ISOC1: variants seen among roughly 807,000 people sequenced by gnomAD.
ISOC1 encodes isochorismatase domain-containing protein 1.
Under a neutral mutation model 30.0 loss-of-function variants are expected in ISOC1, and 33 were observed. The ratio of observed to expected loss-of-function variants is 1.10; its 90% CI spans 0.83 to 1.47. The LOEUF (loss-of-function observed/expected upper bound fraction) is 1.47, where lower values mean the gene tolerates loss of function less well. Ranked by LOEUF, ISOC1 falls within the 40% of genes most tolerant of loss-of-function variation. The pLI, the probability that ISOC1 is intolerant of heterozygous loss-of-function variation, is 0.00. For missense variants in ISOC1, 372 were observed against 388.0 expected, an observed-to-expected ratio of 0.96 and a Z score of 0.35; for synonymous variants, 178 against 159.8, an observed-to-expected ratio of 1.11 and a Z score of -0.86.
intron 4 of ISOC1, among the ~76,000 whole-genome samples, chr5:129,111,315 T>C (rs551754612): frequency 6.6e-4 from 100 of 152,254 alleles, no homozygotes; most frequent in African/African-American, 2.3e-3. Flanking sequence ...GCTGCAAAGT[T>C]CTGGTTAGCT....
chr5:129,097,266 G>GC (rs1189863617), intron 1 of ISOC1, among the ~76,000 whole-genome samples: 3 of 152,016 alleles, frequency 2.0e-5, no homozygotes, highest in South Asian at 2.1e-4. Flanking sequence ...TCAGCCTGAT[G>GC]CCTCTCCTAG....
chr5:129,112,327 A>G (rs1313534367), intron 4 of ISOC1, among the ~76,000 whole-genome samples: 1 of 152,148 alleles, frequency 6.6e-6, no homozygotes, highest in East Asian at 1.9e-4. Flanking sequence ...TAAACTACAG[A>G]GGGGGAAAAG....
In ISOC1 at chr5:129,113,241, A is replaced by T. The variant is rs1322796045; in HGVS notation, c.*240A>T. 1 of 354,372 alleles carries T rather than the reference A, an allele frequency of 2.8e-6. No homozygotes were observed. The highest frequency in any genetic ancestry group is 2.1e-5 in the African/African-American group (1 of 47,704). 22.0% of individuals were successfully genotyped at this position (354,372 alleles called of 1,614,324 possible). On this transcript the variant is annotated 3_prime_UTR_variant, in exon 5 of 5. Transcript: ENST00000173527. Reference sequence around the variant, plus strand: ...CTTTTTTGTTAATGTGCTTTTATTTATTAAAAAAAATTACAATGAAGATGC... The same window carrying T: ...CTTTTTTGTTAATGTGCTTTTATTTTTTAAAAAAAATTACAATGAAGATGC...
At chr5:129,109,278 A>G (rs1309701578) in intron 4 of ISOC1, among the ~76,000 whole-genome samples, 1 of 152,222 alleles carries the variant, frequency 6.6e-6, no homozygotes, top group Non-Finnish European at 1.5e-5. Context: ...GACTTTGAGC[A>G]AGTTGTGTAA....
chr5:129,096,726 A>G (rs1411432028), intron 1 of ISOC1, among the ~76,000 whole-genome samples: 2 of 152,228 alleles, frequency 1.3e-5, no homozygotes, highest in Admixed American at 1.3e-4. Context: ...TATAAAGGCT[A>G]GAATCCAAAT....
intron 3 of ISOC1, among the ~76,000 whole-genome samples, 155 bp from the exon 4 acceptor site, chr5:129,106,791 C>T (rs1002334693): frequency 2.2e-4 from 34 of 152,278 alleles, no homozygotes; most frequent in African/African-American, 8.2e-4. Context: ...GTTTTATGCT[C>T]CAGATTATCT....
chr5:129,105,032 C>A lies in ISOC1; in HGVS notation c.386C>A (p.Ala129Asp). ...CCDMQERFRP[A>D]IKYFGDIISV... The stretch of plus-strand genomic sequence containing the variant: ...GATATGCAGGAAAGGTTCAGACCAG[C>A]CATCAAGTATTTTGGGGATATTATT... The change falls in exon 2 of 5, where the codon GCC becomes GAC. Residue 129 changes from alanine (A) to aspartate (D), a missense_variant. Coordinates refer to ENST00000173527, the MANE Select transcript of ISOC1 (RefSeq NM_016048.2). The A allele has an allele frequency of 6.2e-7, 1 of 1,613,840 alleles. No individual in the cohort carries two copies. Among genetic ancestry groups the A allele is most frequent in the Non-Finnish European group, 8.5e-7 (1 of 1,179,814 alleles).
chr5:129,100,206 T>A (rs1026324456), intron 1 of ISOC1, among the ~76,000 whole-genome samples: 1 of 151,732 alleles, frequency 6.6e-6, no homozygotes, highest in Admixed American at 6.6e-5. Flanking sequence ...ACATCGCATT[T>A]ACAGTTTCAA....
At chr5:129,101,504 T>C (rs1197456320) in intron 1 of ISOC1, among the ~76,000 whole-genome samples, 1 of 151,894 alleles carries the variant, frequency 6.6e-6, no homozygotes, top group Non-Finnish European at 1.5e-5. Context: ...CAAAAAAATA[T>C]GTTTTGTAGA....
Position 129,098,153 on chromosome 5 carries a change from C to T in ISOC1, c.309+3078C>T, listed in dbSNP as rs550655553. 3.3e-4 allele frequency among the ~76,000 whole-genome samples: 51 copies of T among 152,290 alleles called. 1 individual carries two copies. In the South Asian group the frequency reaches 9.9e-3, roughly 30 times the overall value. On this transcript the variant is annotated intron_variant, in intron 1 of 4. Transcript: ENST00000173527. ...TTCGTGCTTATTCTGACAGCTGTGG[C>T]TGATGACCTTGTGAAACACAGTGGC... is the stretch of plus-strand genomic sequence containing the variant.
chr5:129,105,612 C>T (rs1020938668), intron 3 of ISOC1, among the ~76,000 whole-genome samples: 1 of 151,884 alleles, frequency 6.6e-6, no homozygotes, highest in African/African-American at 2.4e-5. Context: ...CAGTAGTCTC[C>T]CCATATTAAA....
intron 1 of ISOC1, among the ~76,000 whole-genome samples, chr5:129,095,839 A>T (rs1224532100): frequency 6.6e-6 from 1 of 152,210 alleles, no homozygotes; most frequent in African/African-American, 2.4e-5. Flanking sequence ...CTGTGCTCTC[A>T]TGCTAGGCGG....
At position 129,105,345 on chromosome 5, in the gene ISOC1, C is replaced by A. The variant is rs746526157; in HGVS notation, c.590C>A (p.Ala197Glu). Residue 197 changes from alanine (A) to glutamate (E), a missense_variant, in exon 3 of 5, where the codon GCA (alanine) becomes GAA (glutamate). Ala to Glu is a moderately radical substitution (Grantham distance 107). Coordinates refer to ENST00000173527, the MANE Select transcript of ISOC1 (RefSeq NM_016048.2). Reference sequence around the variant, plus strand: ...TTACCAGAAGTAGAAGCGGCATTAGCAGAGATTCCCGGAGTCAGGAGTGTT... The same window carrying A: ...TTACCAGAAGTAGAAGCGGCATTAGAAGAGATTCCCGGAGTCAGGAGTGTT... ...MVLPEVEAAL[A>E]EIPGVRSVVL... The A allele has an allele frequency of 6.2e-7, 1 of 1,613,678 alleles. No homozygotes were observed. The highest frequency in any genetic ancestry group is 1.7e-5 in the Admixed American group (1 of 59,988).
intron 1 of ISOC1, among the ~76,000 whole-genome samples, chr5:129,095,459 CAGA>C (rs1268394088): frequency 6.6e-6 from 1 of 152,104 alleles, no homozygotes; most frequent in Admixed American, 6.5e-5. Context: ...ATGGGTGATG[CAGA>C]ATGGGGGGAA....
intron 1 of ISOC1, among the ~76,000 whole-genome samples, chr5:129,100,008 G>A (rs928189403): frequency 1.3e-5 from 2 of 152,112 alleles, no homozygotes; most frequent in African/African-American, 4.8e-5. Context: ...GTAACCTGGG[G>A]GAGTCACATC....
chr5:129,108,169 T>C (rs1163091972), intron 4 of ISOC1, among the ~76,000 whole-genome samples: 1 of 152,092 alleles, frequency 6.6e-6, no homozygotes. Context: ...TTGTCTGTAG[T>C]AGGAATGCTA....
chr5:129,113,646 T>C lies in ISOC1; in HGVS notation c.*645T>C, dbSNP rs915173482. On this transcript the variant is annotated 3_prime_UTR_variant, in exon 5 of 5. Coordinates refer to ENST00000173527, the MANE Select transcript of ISOC1 (RefSeq NM_016048.2). ...CTCTGTTAATATTCTCTCTTTTAAC[T>C]GAAAAGGGATGGGATAGAAGGGTTT... 2 of 152,216 alleles carry C rather than the reference T, an allele frequency of 1.3e-5. No individual in the cohort carries two copies. The highest frequency in any genetic ancestry group is 4.8e-5 in the African/African-American group (2 of 41,458). 9.4% of individuals were successfully genotyped at this position (152,216 alleles called of 1,614,324 possible).
At chr5:129,100,046 A>G (rs774760387) in intron 1 of ISOC1, among the ~76,000 whole-genome samples, 3 of 152,292 alleles carry the variant, frequency 2.0e-5, no homozygotes, top group East Asian at 3.9e-4. Flanking sequence ...GTGAGTTGAC[A>G]TTGGAGCCAG....
intron 1 of ISOC1, among the ~76,000 whole-genome samples, chr5:129,101,192 A>AAAATATATATATAT (rs1554064627): frequency 1.9e-4 from 8 of 42,224 alleles, no homozygotes; most frequent in African/African-American, 1.8e-4. Flanking sequence ...AAAAAAAAAA[A>AAAATATATATATAT]ATATATATAT....
Sources: allele counts gnomAD v4.1 joint callset (sites outside exome capture counted in the v4.1 genomes callset), GRCh38; gene constraint gnomAD v4.1.1; transcripts MANE v1.5; gene names NCBI Gene and HGNC (gene_info 2026-07-23, HGNC 2026-07-21).